The following PHACTR1 variants were observed in gnomAD, a reference collection of about 807,000 sequenced individuals.
The protein encoded by PHACTR1 is RPEL repeat containing 1.
PHACTR1 carries 16 observed loss-of-function variants against 69.2 expected under a neutral mutation model. The ratio of observed to expected loss-of-function variants is 0.23; its 90% CI spans 0.16 to 0.35. The LOEUF (loss-of-function observed/expected upper bound fraction) is 0.35. Ranked by LOEUF, PHACTR1 falls within the 10% of genes least tolerant of loss-of-function variation. The pLI is 1.00. For missense variants in PHACTR1, 510 were observed against 734.7 expected (o/e 0.69, Z 3.54); for synonymous variants, 312 against 284.5 (o/e 1.10, Z -0.97).
intron 9 of PHACTR1, among the ~76,000 whole-genome samples, chr6:13,228,599 G>A (rs1770216216): frequency 6.6e-6 from 1 of 152,196 alleles, no homozygotes; most frequent in Admixed American, 6.5e-5. Flanking sequence ...ATAAATTTTA[G>A]TTACGTGAGT....
chr6:12,755,271 G>A (rs1352957011), intron 4 of PHACTR1, among the ~76,000 whole-genome samples: 1 of 152,156 alleles, frequency 6.6e-6, no homozygotes, highest in Non-Finnish European at 1.5e-5. Context: ...TGAGGCAAGA[G>A]TCAGAAGAAT....
chr6:13,068,046 G>C (rs1808927610), intron 5 of PHACTR1, among the ~76,000 whole-genome samples: 1 of 152,162 alleles, frequency 6.6e-6, no homozygotes, highest in Non-Finnish European at 1.5e-5. Flanking sequence ...GCTAGGCACG[G>C]TGGCTCACGC....
intron 4 of PHACTR1, among the ~76,000 whole-genome samples, chr6:12,877,616 T>TTA (rs754289256): frequency 8.6e-5 from 13 of 152,020 alleles, no homozygotes; most frequent in Non-Finnish European, 1.6e-4. Flanking sequence ...CTCTGAAGGG[T>TTA]CCCTAGGTGT....
chr6:13,286,922 TG>T, intron 14 of PHACTR1, 140 bp from the exon 15 acceptor site: 1 of 840,134 alleles, frequency 1.2e-6, no homozygotes, highest in Non-Finnish European at 1.9e-6. Context: ...GTGTGTTCAG[TG>T]GTACTCCTGT....
chr6:12,794,680 G>T (rs1772751374), intron 4 of PHACTR1, among the ~76,000 whole-genome samples: 1 of 152,150 alleles, frequency 6.6e-6, no homozygotes, highest in Non-Finnish European at 1.5e-5. Flanking sequence ...CTTGAAATTC[G>T]ATGTGCGTCT....
intron 4 of PHACTR1, chr6:12,957,759 G>T: frequency 1.0e-6 from 1 of 985,516 alleles, no homozygotes; most frequent in Non-Finnish European, 1.2e-6. Context: ...ACGGTGAGTT[G>T]AATCCATCCC....
rs1034244062 is a variant in PHACTR1 at position 13,091,080 on chromosome 6, G to A, written c.415+37551G>A. Among the ~76,000 whole-genome samples, 9 of 151,924 alleles carry A rather than the reference G, an allele frequency of 5.9e-5. No individual in the cohort carries two copies. The East Asian group carries it at 7.7e-4, about 13-fold the overall frequency. ...AGGCTGGAGTGCAATGGCGCATCTC[G>A]GCTCACTGCAACCTCTGCCTCCTGG... On this transcript the variant is annotated intron_variant, in intron 5 of 14. Coordinates refer to ENST00000332995, the MANE Select transcript of PHACTR1 (RefSeq NM_030948.6).
chr6:12,980,017 G>A lies in PHACTR1; in HGVS notation c.251-73348G>A, dbSNP rs73364191. Among the ~76,000 whole-genome samples the A allele has an allele frequency of 1.7e-3, 261 of 152,300 alleles. 2 individuals are homozygous for A. Among genetic ancestry groups the A allele is most frequent in the African/African-American group, 6.2e-3 (256 of 41,572 alleles). ...GCATGCTTTGTTAGCCACAAGTGGA[G>A]ATAGTTCTCTTCATGGTACGTAGAA... On this transcript the variant is annotated intron_variant, in intron 4 of 14. Coordinates refer to ENST00000332995, the MANE Select transcript of PHACTR1 (RefSeq NM_030948.6).
intron 6 of PHACTR1, among the ~76,000 whole-genome samples, chr6:13,172,772 T>G (rs1022022362): frequency 5.3e-5 from 8 of 152,234 alleles, no homozygotes; most frequent in African/African-American, 1.7e-4. Flanking sequence ...ATTCTTTGAG[T>G]ACAAAAACAG....
At chr6:13,017,777 C>G (rs1321790181) in intron 4 of PHACTR1, among the ~76,000 whole-genome samples, 1 of 151,810 alleles carries the variant, frequency 6.6e-6, no homozygotes. Flanking sequence ...GATGTAATTT[C>G]AATAGAAATA....
intron 8 of PHACTR1, among the ~76,000 whole-genome samples, chr6:13,227,603 C>T (rs1241886785): frequency 2.0e-5 from 3 of 152,136 alleles, no homozygotes; most frequent in East Asian, 1.9e-4. Context: ...ACCACTATTC[C>T]CATCAGGAAA....
chr6:12,826,594 A>G (rs1776829467), intron 4 of PHACTR1, among the ~76,000 whole-genome samples: 3 of 152,202 alleles, frequency 2.0e-5, no homozygotes, highest in Admixed American at 6.5e-5. Flanking sequence ...ACATTGTTAT[A>G]GGGTGTCCTT....
intron 4 of PHACTR1, among the ~76,000 whole-genome samples, chr6:12,796,590 C>T (rs1048797785): frequency 6.6e-6 from 1 of 152,204 alleles, no homozygotes; most frequent in African/African-American, 2.4e-5. Flanking sequence ...GGATTCCCCA[C>T]ATATCTGCTA....
rs1034030329 is a variant in PHACTR1, at chr6:13,209,518, C to T, written c.986+3382C>T. Among the ~76,000 whole-genome samples the T allele has an allele frequency of 6.6e-5, 10 of 152,326 alleles. No homozygotes were observed. In the East Asian group the frequency reaches 9.6e-4, roughly 15 times the overall value. ...CAAAGAATGTCACACCATAGGCCAT[C>T]GGTCCAGATGGACAGTCTGATCCTG... On this transcript the variant is annotated intron_variant, in intron 8 of 14. Transcript: ENST00000332995.
chr6:13,101,164 G>C (rs1364315715), intron 5 of PHACTR1, among the ~76,000 whole-genome samples: 1 of 152,222 alleles, frequency 6.6e-6, no homozygotes, highest in Non-Finnish European at 1.5e-5. Context: ...GAAATTTCAA[G>C]AGCATAGTGC....
intron 10 of PHACTR1, among the ~76,000 whole-genome samples, chr6:13,233,303 T>C (rs183986745): frequency 9.5e-4 from 42 of 44,098 alleles, no homozygotes; most frequent in Admixed American, 4.1e-3. Context: ...CTTATCCTGG[T>C]AAATCAGCCC....
chr6:13,180,475 C>T (rs746062666), intron 6 of PHACTR1, among the ~76,000 whole-genome samples: 1 of 152,130 alleles, frequency 6.6e-6, no homozygotes, highest in South Asian at 2.1e-4. Flanking sequence ...GTCATCCAAC[C>T]GCAGTTACAT....
chr6:13,074,646 C>T (rs1810128280), intron 5 of PHACTR1, among the ~76,000 whole-genome samples: 2 of 152,118 alleles, frequency 1.3e-5, no homozygotes, highest in African/African-American at 4.8e-5. Flanking sequence ...CATATATATA[C>T]TTGCAGAAAT....
chr6:12,944,787 A>ATTTATTTTT (rs1554172585), intron 4 of PHACTR1, among the ~76,000 whole-genome samples: 27 of 116,386 alleles, frequency 2.3e-4, no homozygotes, highest in South Asian at 7.7e-4. Flanking sequence ...ATTTTTATTT[A>ATTTATTTTT]TTTTTTTTTT....
Sources: allele counts gnomAD v4.1 joint callset (sites outside exome capture counted in the v4.1 genomes callset), GRCh38; gene constraint gnomAD v4.1.1; transcripts MANE v1.5; gene names NCBI Gene and HGNC (gene_info 2026-07-23, HGNC 2026-07-21).